EVI5: variants seen among roughly 807,000 people sequenced by gnomAD.
The protein encoded by EVI5 is ecotropic viral integration site 5 protein homolog.
A neutral mutation model predicts 112.0 loss-of-function variants in EVI5; 73 were observed. The observed-to-expected ratio is 0.65, with a 90% CI of 0.54 to 0.79. The LOEUF (loss-of-function observed/expected upper bound fraction) is 0.79. Ranked by LOEUF, EVI5 falls within the 30% of genes least tolerant of loss-of-function variation. The probability of loss-of-function intolerance (pLI) is 0.00; values close to 1 mark genes in which losing one functional copy is unlikely to be tolerated. For missense variants in EVI5, 900 were observed against 968.8 expected (o/e 0.93, Z 0.94); for synonymous variants, 305 against 319.9 (o/e 0.95, Z 0.50).
At chr1:92,748,519 A>G (rs1157556473) in intron 1 of EVI5, among the ~76,000 whole-genome samples, 2 of 152,254 alleles carry the variant, frequency 1.3e-5, no homozygotes, top group Admixed American at 6.5e-5. Context: ...ATTTGAAGCC[A>G]TTAAGTTTCA....
At chr1:92,785,589 G>A (rs1197474316), upstream of EVI5, among the ~76,000 whole-genome samples, 1 of 152,198 alleles carries the variant, frequency 6.6e-6, no homozygotes, top group Non-Finnish European at 1.5e-5. Flanking sequence ...CTTCGCATTG[G>A]GTTTATGCAG....
intron 2 of EVI5, 38 bp downstream of exon 2, chr1:92,736,360 T>C (rs1677427989): frequency 7.5e-7 from 1 of 1,339,704 alleles, no homozygotes; most frequent in South Asian, 1.2e-5. Flanking sequence ...GCTGGATTTG[T>C]ATAATTGGAG....
At chr1:92,788,168 T>G (rs1439446482), upstream of EVI5, among the ~76,000 whole-genome samples, 1 of 152,006 alleles carries the variant, frequency 6.6e-6, no homozygotes, top group Non-Finnish European at 1.5e-5. Context: ...AATTTTACCT[T>G]AAAAACTATA....
chr1:92,626,668 T>C (rs1655739329), intron 14 of EVI5, among the ~76,000 whole-genome samples: 1 of 152,200 alleles, frequency 6.6e-6, no homozygotes, highest in African/African-American at 2.4e-5. Context: ...CTGCACTTAA[T>C]TTTGAGAACA....
At chr1:92,593,657 A>T (rs571928108) in intron 18 of EVI5, among the ~76,000 whole-genome samples, 5 of 152,154 alleles carry the variant, frequency 3.3e-5, no homozygotes, top group Admixed American at 6.5e-5. Flanking sequence ...ACATGATTGT[A>T]TATCTAGAAA....
At chr1:92,649,428 T>C (rs1426369988) in intron 13 of EVI5, among the ~76,000 whole-genome samples, 1 of 152,248 alleles carries the variant, frequency 6.6e-6, no homozygotes, top group Admixed American at 6.5e-5. Flanking sequence ...AACCAATATC[T>C]AAAACCACTG....
At chr1:92,646,563 T>C (rs935846716) in intron 13 of EVI5, among the ~76,000 whole-genome samples, 2 of 152,200 alleles carry the variant, frequency 1.3e-5, no homozygotes, top group South Asian at 2.1e-4. Context: ...CCAAAAGGCA[T>C]TGTCCCCCAC....
intron 14 of EVI5, among the ~76,000 whole-genome samples, chr1:92,633,039 C>T (rs1334119899): frequency 6.6e-6 from 1 of 152,194 alleles, no homozygotes; most frequent in Non-Finnish European, 1.5e-5. Flanking sequence ...GTTTGAGACA[C>T]AGTTTGTTAT....
At chr1:92,702,073 C>T (rs1440583697) in intron 5 of EVI5, 68 bp downstream of exon 5, 8 of 764,938 alleles carry the variant, frequency 1.0e-5, no homozygotes, top group Non-Finnish European at 1.7e-5. Context: ...AACAAAGATG[C>T]TTTTTAAACT....
intron 1 of EVI5, among the ~76,000 whole-genome samples, chr1:92,742,410 T>C (rs998761562): frequency 6.6e-6 from 1 of 151,940 alleles, no homozygotes; most frequent in South Asian, 2.1e-4. Flanking sequence ...TGGTAGCTCA[T>C]GCCTGTAATC....
At chr1:92,599,482 AAG>A (rs1648659115) in intron 18 of EVI5, among the ~76,000 whole-genome samples, 1 of 152,060 alleles carries the variant, frequency 6.6e-6, no homozygotes, top group Non-Finnish European at 1.5e-5. Flanking sequence ...GTTTTAATGA[AAG>A]ATCTATTTAT....
chr1:92,638,549 T>G (rs1659342743), intron 13 of EVI5, among the ~76,000 whole-genome samples: 1 of 152,172 alleles, frequency 6.6e-6, no homozygotes, highest in South Asian at 2.1e-4. Context: ...TAGTTTCAAT[T>G]TATTCTATTT....
intron 1 of EVI5, among the ~76,000 whole-genome samples, chr1:92,737,621 C>CAA (rs5776154): frequency 7.3e-5 from 11 of 151,078 alleles, no homozygotes; most frequent in East Asian, 5.8e-4. Context: ...TGTACACACA[C>CAA]AAAAAAAAAT....
intron 11 of EVI5, 129 bp downstream of exon 11, chr1:92,665,810 G>T: frequency 3.6e-6 from 2 of 558,756 alleles, no homozygotes; most frequent in East Asian, 6.0e-5. Flanking sequence ...AAATAGTAAG[G>T]TAAGCAAGCT....
At chr1:92,626,063 A>G in intron 14 of EVI5, 129 bp from the exon 15 acceptor site, 1 of 584,516 alleles carries the variant, frequency 1.7e-6, no homozygotes, top group African/African-American at 1.9e-5. Flanking sequence ...TATAATTCAC[A>G]AACTATGAAA....
intron 19 of EVI5, among the ~76,000 whole-genome samples, chr1:92,521,389 T>C (rs1228856362): frequency 6.6e-6 from 1 of 152,210 alleles, no homozygotes; most frequent in Non-Finnish European, 1.5e-5. Context: ...ATATGCTTTA[T>C]CCAAAATTCA....
chr1:92,596,111 C>T (rs1647772452), intron 18 of EVI5, among the ~76,000 whole-genome samples: 1 of 152,082 alleles, frequency 6.6e-6, no homozygotes. Flanking sequence ...AATCCCAGCA[C>T]TGTGGGAGGT....
chr1:92,761,574 T>TA (rs1189677472), intron 1 of EVI5, among the ~76,000 whole-genome samples: 2 of 152,198 alleles, frequency 1.3e-5, no homozygotes, highest in East Asian at 3.8e-4. Flanking sequence ...TCTGAGCCCA[T>TA]AAAAAACCTG....
At chr1:92,727,897 G>A (rs116493737) in intron 2 of EVI5, among the ~76,000 whole-genome samples, 3,202 of 151,826 alleles carry the variant, frequency 0.021, 54 homozygotes, top group Non-Finnish European at 0.029. Context: ...GGGAGGCTGA[G>A]ATGGAAGAAC....
Sources: allele counts gnomAD v4.1 joint callset (sites outside exome capture counted in the v4.1 genomes callset), GRCh38; gene constraint gnomAD v4.1.1; transcripts MANE v1.5; gene names NCBI Gene and HGNC (gene_info 2026-07-23, HGNC 2026-07-21).